UTS2: variants seen among roughly 807,000 people sequenced by gnomAD.
UTS2 encodes urotensin-2.
A neutral mutation model predicts 12.6 loss-of-function variants in UTS2; 10 were observed. The ratio of observed to expected loss-of-function variants is 0.80; its 90% confidence interval spans 0.49 to 1.35. The LOEUF (loss-of-function observed/expected upper bound fraction) is 1.35, where lower values mean the gene tolerates loss of function less well. Ranked by LOEUF, UTS2 falls within the 40% of genes most tolerant of loss-of-function variation. The pLI is 0.00. For missense variants in UTS2, 142 were observed against 143.2 expected (o/e 0.99, Z 0.04); for synonymous variants, 52 against 50.0 (o/e 1.04, Z -0.17).
chr1:7,862,991 T>TTGTGTTGTATTGTATTGTAG, the UTS2 span, among the ~76,000 whole-genome samples: 2 of 18,654 alleles, frequency 1.1e-4, no homozygotes, highest in African/African-American at 3.9e-4. Context: ...TTGTGTTGTG[T>TTGTGTTGTATTGTATTGTAG]TGTATTGTAT....
chr1:7,895,268 C>G, the UTS2 span, among the ~76,000 whole-genome samples: 2 of 152,122 alleles, frequency 1.3e-5, no homozygotes, highest in South Asian at 4.2e-4. Flanking sequence ...ACTCAGGAGG[C>G]TGAGGCAGGA....
chr1:7,906,863 G>C, the UTS2 span, among the ~76,000 whole-genome samples: 405 of 152,262 alleles, frequency 2.7e-3, 2 homozygotes, highest in African/African-American at 9.1e-3. Context: ...ATCAAGGAGA[G>C]TATGTGCCTG....
the UTS2 span, among the ~76,000 whole-genome samples, chr1:7,901,460 A>G: frequency 6.6e-6 from 1 of 152,140 alleles, no homozygotes; most frequent in South Asian, 2.1e-4. Flanking sequence ...ATTTACTGTA[A>G]AGGTTTCCAT....
chr1:7,894,229 C>T, the UTS2 span, among the ~76,000 whole-genome samples: 2 of 151,188 alleles, frequency 1.3e-5, no homozygotes, highest in African/African-American at 2.4e-5. Flanking sequence ...GTCTCCCAGG[C>T]GGGAGTGCAG....
the UTS2 span, among the ~76,000 whole-genome samples, chr1:7,912,738 G>GC: frequency 2.0e-5 from 3 of 151,914 alleles, no homozygotes; most frequent in Non-Finnish European, 2.9e-5. Context: ...CTCCACTGGG[G>GC]CCCCCACAGA....
the UTS2 span, among the ~76,000 whole-genome samples, chr1:7,863,978 G>A: frequency 2.6e-5 from 4 of 152,180 alleles, no homozygotes; most frequent in South Asian, 2.1e-4. Flanking sequence ...GGGTCTGCCC[G>A]GGAGAATTCA....
the UTS2 span, among the ~76,000 whole-genome samples, chr1:7,872,030 G>A: frequency 4.0e-4 from 61 of 152,138 alleles, no homozygotes; most frequent in South Asian, 0.011. Context: ...GGCCGGGCGC[G>A]GTGGCTCACG....
chr1:7,864,423 C>T, the UTS2 span, among the ~76,000 whole-genome samples: 1 of 152,176 alleles, frequency 6.6e-6, no homozygotes, highest in Non-Finnish European at 1.5e-5. Context: ...GGAAGTTGTC[C>T]TCTGAGGTTC....
the UTS2 span, among the ~76,000 whole-genome samples, chr1:7,862,435 G>A: frequency 3.9e-3 from 581 of 150,172 alleles, 7 homozygotes; most frequent in African/African-American, 0.013. Context: ...AAAATTAATT[G>A]CGGTTTTTGC....
the UTS2 span, among the ~76,000 whole-genome samples, chr1:7,862,939 G>A: frequency 5.3e-5 from 8 of 151,964 alleles, no homozygotes; most frequent in Admixed American, 1.3e-4. Context: ...ATAAGTAGGC[G>A]ATAACGTTTC....
chr1:7,898,380 T>C, the UTS2 span, among the ~76,000 whole-genome samples: 5 of 152,096 alleles, frequency 3.3e-5, no homozygotes, highest in Admixed American at 6.6e-5. Flanking sequence ...GGAACTTATA[T>C]ACCGAGAACT....
chr1:7,858,989 A>G, the UTS2 span, among the ~76,000 whole-genome samples: 1 of 152,242 alleles, frequency 6.6e-6, no homozygotes, highest in African/African-American at 2.4e-5. Context: ...AAGCCTATTC[A>G]CTGATTGCCA....
chr1:7,857,488 AGAT>A (rs1638337500), upstream of UTS2, among the ~76,000 whole-genome samples: 2 of 146,688 alleles, frequency 1.4e-5, no homozygotes, highest in South Asian at 4.3e-4. Context: ...AAAAAAAAAA[AGAT>A]GAGCTTGTGG....
the UTS2 span, among the ~76,000 whole-genome samples, chr1:7,913,214 G>A: frequency 6.6e-6 from 1 of 151,020 alleles, no homozygotes; most frequent in African/African-American, 2.4e-5. Flanking sequence ...TGCCCATGAA[G>A]GCACCGGCAG....
At chr1:7,902,988 TCTCC>T in the UTS2 span, among the ~76,000 whole-genome samples, 8 of 135,888 alleles carry the variant, frequency 5.9e-5, no homozygotes, top group African/African-American at 2.6e-4. Context: ...GTCTGGCTTT[TCTCC>T]CTCCCTCCCT....
upstream of UTS2, among the ~76,000 whole-genome samples, chr1:7,854,698 C>T (rs1001235242): frequency 7.9e-5 from 12 of 151,954 alleles, no homozygotes; most frequent in African/African-American, 2.9e-4. Flanking sequence ...CTCAGGGTGA[C>T]TCTGATTAAT....
At chr1:7,892,154 C>T in the UTS2 span, among the ~76,000 whole-genome samples, 11 of 152,260 alleles carry the variant, frequency 7.2e-5, no homozygotes, top group South Asian at 1.2e-3. Flanking sequence ...TGGTCAGGGT[C>T]GGTGCATGAA....
At chr1:7,854,436 T>C (rs1638259898), upstream of UTS2, among the ~76,000 whole-genome samples, 1 of 141,082 alleles carries the variant, frequency 7.1e-6, no homozygotes, top group African/African-American at 2.7e-5. Flanking sequence ...CACTTGAGCC[T>C]GGGAAGTTGA....
At chr1:7,904,199 G>T in the UTS2 span, among the ~76,000 whole-genome samples, 1 of 151,894 alleles carries the variant, frequency 6.6e-6, no homozygotes, top group East Asian at 1.9e-4. Context: ...AAGTAAAGAT[G>T]GCCGAGCACA....
Sources: gnomAD v4.1 joint callset for allele counts (sites outside exome capture counted in the v4.1 genomes callset) on GRCh38, gnomAD v4.1.1 for gene constraint, MANE v1.5 for transcripts, NCBI Gene and HGNC (gene_info 2026-07-23, HGNC 2026-07-21) for gene names.